Variants in CATSPERB observed in about 807,000 individuals in gnomAD.
CATSPERB encodes cation channel sperm-associated auxiliary subunit beta.
In CATSPERB, 93 loss-of-function variants were observed where a neutral mutation model predicts 128.3. That is an observed-to-expected ratio of 0.72 (90% confidence interval 0.61 to 0.86). CATSPERB has a LOEUF of 0.86. Ranked by LOEUF, CATSPERB falls within the 40% of genes least tolerant of loss-of-function variation. The pLI is 0.00. For synonymous variants in CATSPERB, 381 were observed against 448.8 expected, an observed-to-expected ratio of 0.85 and a Z score of 1.91; for missense variants, 1,153 against 1,329.5, an observed-to-expected ratio of 0.87 and a Z score of 2.06.
At chr14:91,646,810 C>T (rs1894615274) in intron 15 of CATSPERB, among the ~76,000 whole-genome samples, 2 of 152,308 alleles carry the variant, frequency 1.3e-5, no homozygotes, top group South Asian at 4.1e-4. Flanking sequence ...ATAGCAAAAG[C>T]TTTTGGTGTG....
chr14:91,686,210 A>G (rs918789966), intron 10 of CATSPERB, among the ~76,000 whole-genome samples: 8 of 152,120 alleles, frequency 5.3e-5, no homozygotes, highest in Non-Finnish European at 8.8e-5. Context: ...CTAAAATCAC[A>G]TTATGTATTT....
chr14:91,654,426 G>A (rs1417509176), intron 15 of CATSPERB, among the ~76,000 whole-genome samples: 2 of 152,212 alleles, frequency 1.3e-5, no homozygotes, highest in East Asian at 1.9e-4. Context: ...GAAGCTGACT[G>A]AAGAGCCCTT....
chr14:91,587,910 C>A (rs1893331013), intron 25 of CATSPERB, 68 bp downstream of exon 25: 3 of 985,896 alleles, frequency 3.0e-6, no homozygotes, highest in Non-Finnish European at 4.7e-6. Flanking sequence ...GAATTAAAAC[C>A]AATCTTAGTT....
chr14:91,692,232 A>G (rs2139845477), intron 9 of CATSPERB, among the ~76,000 whole-genome samples: 1 of 150,434 alleles, frequency 6.6e-6, no homozygotes, highest in South Asian at 2.1e-4. Flanking sequence ...TCTGCCGCCC[A>G]TTTGGGTTTA....
At chr14:91,607,321 C>A (rs1344290675) in intron 22 of CATSPERB, among the ~76,000 whole-genome samples, 3 of 151,972 alleles carry the variant, frequency 2.0e-5, no homozygotes, top group Non-Finnish European at 4.4e-5. Flanking sequence ...GGAGGGGAGA[C>A]AGTGGAGATG....
At chr14:91,619,703 C>T (rs1894007084) in intron 19 of CATSPERB, among the ~76,000 whole-genome samples, 1 of 151,972 alleles carries the variant, frequency 6.6e-6, no homozygotes, top group African/African-American at 2.4e-5. Context: ...CCTGTTGACT[C>T]TCTGTTATGG....
At chr14:91,651,693 G>C (rs1316970871) in intron 15 of CATSPERB, among the ~76,000 whole-genome samples, 1 of 152,206 alleles carries the variant, frequency 6.6e-6, no homozygotes, top group Non-Finnish European at 1.5e-5. Context: ...TCTGTGGCGA[G>C]TGTGGGATGC....
chr14:91,625,139 C>T (rs1019715711), intron 17 of CATSPERB, 132 bp from the exon 18 acceptor site: 1 of 588,116 alleles, frequency 1.7e-6, no homozygotes, highest in East Asian at 3.0e-5. Context: ...TTTGTTCAAC[C>T]CCATTAGTAA....
At chr14:91,625,510 A>G (rs890000081) in intron 17 of CATSPERB, among the ~76,000 whole-genome samples, 1 of 152,248 alleles carries the variant, frequency 6.6e-6, no homozygotes. Context: ...TACATGATTT[A>G]CTTAGAGAAA....
At chr14:91,675,265 C>A (rs1295241047) in intron 11 of CATSPERB, among the ~76,000 whole-genome samples, 2 of 152,224 alleles carry the variant, frequency 1.3e-5, no homozygotes, top group Non-Finnish European at 2.9e-5. Context: ...GCTGACCCTG[C>A]AGCTGGGGCT....
chr14:91,599,192 T>G (rs1893564953), intron 22 of CATSPERB, among the ~76,000 whole-genome samples: 1 of 152,196 alleles, frequency 6.6e-6, no homozygotes, highest in Non-Finnish European at 1.5e-5. Context: ...CAGGGGCATC[T>G]CCATTCAGAA....
At chr14:91,690,664 T>C (rs1387732641) in intron 10 of CATSPERB, among the ~76,000 whole-genome samples, 2 of 152,246 alleles carry the variant, frequency 1.3e-5, no homozygotes. Flanking sequence ...CTACTTGTCC[T>C]CTGATTAGTA....
chr14:91,669,259 A>C (rs978218819), intron 14 of CATSPERB, among the ~76,000 whole-genome samples: 5 of 151,638 alleles, frequency 3.3e-5, no homozygotes, highest in Non-Finnish European at 7.4e-5. Context: ...TCTTAGTTCC[A>C]AAGTTTGCTT....
intron 14 of CATSPERB, 97 bp from the exon 15 acceptor site, chr14:91,660,078 C>A: frequency 2.1e-6 from 2 of 951,350 alleles, no homozygotes; most frequent in Non-Finnish European, 3.1e-6. Context: ...GTGGCATGAT[C>A]TTTTCCATAT....
At position 91,603,437 on chromosome 14, in the gene CATSPERB, A is replaced by G. The variant is rs181054078; in HGVS notation, c.2709+4857T>C. 3.1e-4 allele frequency: 481 copies of G among 1,569,224 alleles called. 1 individual carries two copies. In the African/African-American group the frequency reaches 5.9e-3, roughly 19 times the overall value. On this transcript the variant is annotated intron_variant, in intron 22 of 26. Coordinates refer to ENST00000256343, the MANE Select transcript of CATSPERB (RefSeq NM_024764.4). ...CTCATCCTTTATTCCCAGCCATCAGAACTAGTTATACCAGATGAGTGGGCA... is the reference window on the plus strand; with the variant it reads ...CTCATCCTTTATTCCCAGCCATCAGGACTAGTTATACCAGATGAGTGGGCA...
chr14:91,641,179 T>A (rs1294666064), intron 15 of CATSPERB, among the ~76,000 whole-genome samples: 2 of 149,436 alleles, frequency 1.3e-5, no homozygotes, highest in Non-Finnish European at 3.0e-5. Flanking sequence ...TCTCCCATTT[T>A]GTAGGTTGCC....
At chr14:91,622,893 C>CTT (rs11432858) in intron 18 of CATSPERB, among the ~76,000 whole-genome samples, 15,885 of 127,772 alleles carry the variant, frequency 0.12, 1,304 homozygotes, top group Non-Finnish European at 0.14. Flanking sequence ...TTCTCAATGA[C>CTT]TTTTTTTTTT....
At chr14:91,712,815 G>T (rs1955658416) in intron 5 of CATSPERB, among the ~76,000 whole-genome samples, 1 of 152,108 alleles carries the variant, frequency 6.6e-6, no homozygotes. Flanking sequence ...CAGTCATACG[G>T]GGACAATTTA....
At chr14:91,695,264 G>A (rs1036858340) in intron 7 of CATSPERB, among the ~76,000 whole-genome samples, 2 of 151,916 alleles carry the variant, frequency 1.3e-5, no homozygotes, top group African/African-American at 4.8e-5. Context: ...TGAGTAGCTG[G>A]GATTACAGGT....
Sources: allele counts gnomAD v4.1 joint callset (sites outside exome capture counted in the v4.1 genomes callset), GRCh38; gene constraint gnomAD v4.1.1; transcripts MANE v1.5; gene names NCBI Gene and HGNC (gene_info 2026-07-23, HGNC 2026-07-21).